Variants in NFIB observed in about 807,000 individuals in gnomAD.
NFIB encodes the protein nuclear factor I B.
Under a neutral mutation model 61.5 loss-of-function variants are expected in NFIB, and 11 were observed. The observed-to-expected ratio is 0.18, with a 90% CI of 0.11 to 0.30. NFIB has a LOEUF of 0.30. NFIB is among the 10% of genes least tolerant of loss of function. The pLI, the probability that NFIB is intolerant of heterozygous loss-of-function variation, is 1.00. For synonymous variants in NFIB, 260 were observed against 216.5 expected (o/e 1.20, Z -1.76); for missense variants, 471 against 608.9 (o/e 0.77, Z 2.38).
At chr9:14,142,479 C>T (rs1322665068) in intron 6 of NFIB, among the ~76,000 whole-genome samples, 1 of 152,042 alleles carries the variant, frequency 6.6e-6, no homozygotes, top group Non-Finnish European at 1.5e-5. Context: ...ACACACTGAG[C>T]AACGGAATAC....
intron 2 of NFIB, among the ~76,000 whole-genome samples, chr9:14,228,669 A>T (rs1459877667): frequency 2.0e-5 from 3 of 152,208 alleles, no homozygotes; most frequent in Middle Eastern, 3.2e-3. Flanking sequence ...GATTTTGAAA[A>T]TATTCTAATG....
chr9:14,175,850 G>T (rs948375253), intron 3 of NFIB, among the ~76,000 whole-genome samples: 1 of 152,180 alleles, frequency 6.6e-6, no homozygotes, highest in Non-Finnish European at 1.5e-5. Flanking sequence ...TACCAGCAGA[G>T]AATTCCCCAC....
intron 2 of NFIB, among the ~76,000 whole-genome samples, chr9:14,197,602 G>C (rs1213797773): frequency 6.6e-6 from 1 of 152,126 alleles, no homozygotes; most frequent in Non-Finnish European, 1.5e-5. Context: ...AGGCAAAAAG[G>C]GAGCTTAAGA....
At chr9:14,208,257 G>A (rs1226361791) in intron 2 of NFIB, among the ~76,000 whole-genome samples, 1 of 152,056 alleles carries the variant, frequency 6.6e-6, no homozygotes, top group South Asian at 2.1e-4. Context: ...GACTAAGAGA[G>A]TAAATCGATA....
intron 1 of NFIB, among the ~76,000 whole-genome samples, chr9:14,390,732 A>C (rs965967687): frequency 2.1e-4 from 32 of 152,220 alleles, no homozygotes; most frequent in African/African-American, 7.7e-4. Flanking sequence ...TTCTTCTTCT[A>C]TGTGAGAACA....
chr9:14,265,693 C>T (rs967947044), intron 2 of NFIB, among the ~76,000 whole-genome samples: 1 of 152,172 alleles, frequency 6.6e-6, no homozygotes, highest in Non-Finnish European at 1.5e-5. Context: ...CATTCCTCTC[C>T]CTTCTAGGAT....
intron 8 of NFIB, among the ~76,000 whole-genome samples, chr9:14,118,621 T>C (rs970499412): frequency 2.0e-5 from 3 of 152,074 alleles, no homozygotes; most frequent in African/African-American, 7.2e-5. Flanking sequence ...AGGCTGTTAA[T>C]AGATGAACTT....
chr9:14,432,849 T>C, the NFIB span, among the ~76,000 whole-genome samples: 1 of 152,234 alleles, frequency 6.6e-6, no homozygotes, highest in African/African-American at 2.4e-5. Flanking sequence ...AATCAGAGAC[T>C]GATCTTTTCT....
chr9:14,322,776 C>T (rs1044561397), intron 1 of NFIB, among the ~76,000 whole-genome samples: 3 of 151,936 alleles, frequency 2.0e-5, no homozygotes, highest in African/African-American at 7.2e-5. Flanking sequence ...CGGCGCCCCT[C>T]TCGAGCGTGG....
At chr9:14,212,062 G>T (rs1021980342) in intron 2 of NFIB, among the ~76,000 whole-genome samples, 7 of 152,158 alleles carry the variant, frequency 4.6e-5, no homozygotes, top group African/African-American at 1.4e-4. Flanking sequence ...TAAAATAAGT[G>T]TCATCTCTAA....
the NFIB span, among the ~76,000 whole-genome samples, chr9:14,463,407 C>A: frequency 6.6e-6 from 1 of 151,514 alleles, no homozygotes; most frequent in Non-Finnish European, 1.5e-5. Flanking sequence ...AAAGCCAATA[C>A]AATTTCAATG....
the NFIB span, among the ~76,000 whole-genome samples, chr9:14,409,051 T>C: frequency 6.6e-6 from 1 of 152,168 alleles, no homozygotes; most frequent in African/African-American, 2.4e-5. Context: ...GATATACTGG[T>C]ACATGTTTAA....
intron 2 of NFIB, among the ~76,000 whole-genome samples, chr9:14,215,297 A>C (rs1306758685): frequency 6.6e-6 from 1 of 150,666 alleles, no homozygotes; most frequent in East Asian, 1.9e-4. Context: ...AACTTGAAAA[A>C]TGTAACCTCT....
At chr9:14,433,545 C>A in the NFIB span, among the ~76,000 whole-genome samples, 1 of 152,224 alleles carries the variant, frequency 6.6e-6, no homozygotes, top group Admixed American at 6.5e-5. Context: ...CCTGGTTAAA[C>A]AGGATTTCCA....
the NFIB span, among the ~76,000 whole-genome samples, chr9:14,442,364 G>T: frequency 6.6e-6 from 1 of 152,122 alleles, no homozygotes; most frequent in Non-Finnish European, 1.5e-5. Context: ...CTTCCACAAG[G>T]GGTCGTTGAG....
chr9:14,472,453 G>A, the NFIB span, among the ~76,000 whole-genome samples: 1 of 152,178 alleles, frequency 6.6e-6, no homozygotes, highest in African/African-American at 2.4e-5. Context: ...TATGTCTGTT[G>A]AATCTAGTAA....
chr9:14,218,049 C>T (rs1048749354), intron 2 of NFIB, among the ~76,000 whole-genome samples: 3 of 152,096 alleles, frequency 2.0e-5, no homozygotes. Context: ...CTGGGAGTTC[C>T]TGTATTACTC....
chr9:14,259,796 T>A (rs904656114), intron 2 of NFIB, among the ~76,000 whole-genome samples: 2 of 151,994 alleles, frequency 1.3e-5, no homozygotes, highest in African/African-American at 2.4e-5. Context: ...TCCCAGCCAC[T>A]CAGGAGGCTG....
chr9:14,304,528 A>G (rs1271020964), intron 2 of NFIB, among the ~76,000 whole-genome samples: 2 of 152,252 alleles, frequency 1.3e-5, no homozygotes, highest in Non-Finnish European at 2.9e-5. Context: ...AGTGGCAACC[A>G]TCTTTGGCAT....
Sources: allele counts gnomAD v4.1 joint callset (sites outside exome capture counted in the v4.1 genomes callset), GRCh38; gene constraint gnomAD v4.1.1; transcripts MANE v1.5; gene names NCBI Gene and HGNC (gene_info 2026-07-23, HGNC 2026-07-21).